GLO1: variants seen among roughly 807,000 people sequenced by gnomAD.
The protein encoded by GLO1 is glyoxalase I.
Under a neutral mutation model 26.0 loss-of-function variants are expected in GLO1, and 28 were observed. That is an observed-to-expected ratio of 1.08 (90% CI 0.80 to 1.48). GLO1 has a LOEUF of 1.48. Among genes scored for constraint, GLO1 ranks in the 40% most tolerant of loss-of-function variants. The pLI, the probability that GLO1 is intolerant of heterozygous loss-of-function variation, is 0.00. For missense variants in GLO1, 225 were observed against 224.8 expected (o/e 1.00, Z -0.01); for synonymous variants, 78 against 77.6 (o/e 1.00, Z -0.03).
chr6:38,690,223 G>C (rs1761511666), intron 1 of GLO1, among the ~76,000 whole-genome samples: 1 of 152,148 alleles, frequency 6.6e-6, no homozygotes, highest in African/African-American at 2.4e-5. Context: ...GAGATTCAAA[G>C]AAACTAATAC....
chr6:38,702,071 C>A (rs1047086948), intron 1 of GLO1, among the ~76,000 whole-genome samples: 17 of 152,044 alleles, frequency 1.1e-4, no homozygotes, highest in Non-Finnish European at 2.5e-4. Context: ...GCTGGGACTA[C>A]AGGCACCCGC....
At chr6:38,690,266 T>C (rs1215492299) in intron 1 of GLO1, among the ~76,000 whole-genome samples, 1 of 152,158 alleles carries the variant, frequency 6.6e-6, no homozygotes, top group African/African-American at 2.4e-5. Context: ...ATGAGATACA[T>C]ATTATTATCA....
Position 38,703,039 on chromosome 6 carries a change from G to T in GLO1, c.16C>A (p.Pro6Thr). 1 of 1,589,010 alleles carries T rather than the reference G, an allele frequency of 6.3e-7. No homozygotes were observed. Among genetic ancestry groups the T allele is most frequent in the Non-Finnish European group, 8.6e-7 (1 of 1,162,354 alleles). ...TCGTCCGTGAGGCCGCCGGACGGGGGCTGCGGTTCTGCCATGGCTGCGCTG... is the reference window on the plus strand; with the variant it reads ...TCGTCCGTGAGGCCGCCGGACGGGGTCTGCGGTTCTGCCATGGCTGCGCTG... MAEPQ[P>T]PSGGLTDEAA... Residue 6 changes from proline (P) to threonine (T), a missense_variant, in exon 1 of 6, where the codon CCC becomes ACC. By Grantham distance (38) the Pro-to-Thr change is conservative. Coordinates refer to ENST00000373365, the MANE Select transcript of GLO1 (RefSeq NM_006708.3).
intron 5 of GLO1, among the ~76,000 whole-genome samples, chr6:38,680,670 G>T (rs1621483): frequency 1.3e-5 from 2 of 152,068 alleles, no homozygotes; most frequent in Admixed American, 6.5e-5. Context: ...TGAAAGAATC[G>T]CTTGAGCTCA....
intron 2 of GLO1, among the ~76,000 whole-genome samples, chr6:38,685,486 T>C (rs1045021231): frequency 6.6e-6 from 1 of 152,218 alleles, no homozygotes; most frequent in African/African-American, 2.4e-5. Flanking sequence ...TTGTTCATAA[T>C]CAATAAGAGC....
chr6:38,698,943 T>C (rs1010416377), intron 1 of GLO1, among the ~76,000 whole-genome samples: 1 of 152,166 alleles, frequency 6.6e-6, no homozygotes. Flanking sequence ...ATCTACTTTA[T>C]AGAATACTTC....
chr6:38,682,923 T>C (rs756933058), intron 3 of GLO1, 48 bp from the exon 4 acceptor site: 6 of 1,078,020 alleles, frequency 5.6e-6, no homozygotes, highest in East Asian at 4.7e-5. Flanking sequence ...GGAATAGATA[T>C]TCTGAAAAGC....
At chr6:38,698,522 T>A (rs1209876290) in intron 1 of GLO1, among the ~76,000 whole-genome samples, 1 of 149,332 alleles carries the variant, frequency 6.7e-6, no homozygotes, top group African/African-American at 2.4e-5. Flanking sequence ...TATGGAACGA[T>A]GTGAAAATGG....
chr6:38,693,685 C>CTCTCTATATATATA (rs869232489), intron 1 of GLO1, among the ~76,000 whole-genome samples: 52 of 86,414 alleles, frequency 6.0e-4, no homozygotes, highest in East Asian at 3.0e-3. Context: ...CTCTCTCTCT[C>CTCTCTATATATATA]TATATATATA....
intron 5 of GLO1, among the ~76,000 whole-genome samples, 163 bp from the exon 6 acceptor site, chr6:38,677,546 T>C (rs990873806): frequency 2.0e-5 from 3 of 152,146 alleles, no homozygotes; most frequent in Non-Finnish European, 4.4e-5. Context: ...GCCTGCCAAG[T>C]AGCTGGGGCG....
chr6:38,678,382 G>GGAAGGAAGGAAGGAAGGAAGGAAGGAAA (rs1554186599), intron 5 of GLO1, among the ~76,000 whole-genome samples: 3 of 143,230 alleles, frequency 2.1e-5, no homozygotes, highest in African/African-American at 8.0e-5. Flanking sequence ...GGGAGAGAGA[G>GGAAGGAAGGAAGGAAGGAAGGAAGGAAA]GAAGGAAGGA....
intron 1 of GLO1, among the ~76,000 whole-genome samples, chr6:38,692,687 A>G (rs986245327): frequency 6.6e-6 from 1 of 151,970 alleles, no homozygotes; most frequent in Admixed American, 6.6e-5. Context: ...CTCTTTATCA[A>G]GTTAAAGAAA....
chr6:38,684,459 A>G lies in GLO1; in HGVS notation c.223T>C (p.Tyr75His). The G allele has an allele frequency of 8.9e-6, 14 of 1,570,658 alleles. No homozygotes were observed. The highest frequency in any genetic ancestry group is 1.2e-5 in the Non-Finnish European group (14 of 1,156,136). The change falls in exon 3 of 6, where the codon TAT becomes CAT. Residue 75 changes from tyrosine (Y) to histidine (H), a missense_variant. Transcript: ENST00000373365. ...IMKFSLYFLA[Y>H]EDKNDIPKEK... Reference sequence around the variant, plus strand: ...TTAGGGATGTCATTTTTATCCTCATAAGCCAAGAAGTAGAGTGAAAACTTC... The same window carrying G: ...TTAGGGATGTCATTTTTATCCTCATGAGCCAAGAAGTAGAGTGAAAACTTC...
chr6:38,698,286 A>G (rs1197674489), intron 1 of GLO1, among the ~76,000 whole-genome samples: 5 of 151,802 alleles, frequency 3.3e-5, no homozygotes, highest in Non-Finnish European at 7.4e-5. Flanking sequence ...GCCTTTATAT[A>G]TATTATGATT....
intron 4 of GLO1, 48 bp from the exon 5 acceptor site, chr6:38,682,149 AT>A (rs1254387066): frequency 1.0e-6 from 1 of 1,004,782 alleles, no homozygotes; most frequent in Admixed American, 1.7e-5. Context: ...AGAAATAATT[AT>A]AACAGGGTGT....
At position 38,688,935 on chromosome 6, in the gene GLO1, TGC is replaced by T. The variant is rs912566026; in HGVS notation, c.85-1963_85-1962del. On this transcript the variant is annotated intron_variant, in intron 1 of 5. Coordinates refer to ENST00000373365, the MANE Select transcript of GLO1 (RefSeq NM_006708.3). ...AAGCAGGAGAGAGAGAGAGCGAGCG[TGC>T]GCGCGCAAAGAAAGTAGAAGAGGAG... 3.9e-5 allele frequency among the ~76,000 whole-genome samples: 6 copies of T among 152,250 alleles called. No individual in the cohort carries two copies. In the East Asian group the frequency reaches 1.2e-3, roughly 29 times the overall value.
chr6:38,686,968 G>T lies in GLO1; in HGVS notation c.91C>A (p.Leu31Ile). ...SDADPSTKDF[L>I]LQQTMLRVKD... The stretch of plus-strand genomic sequence containing the variant: ...ACTCGTAGCATGGTCTGCTGCAATA[G>T]AAAATCCTATGGAAAAATATTTATA... The change falls in exon 2 of 6, where the codon CTA becomes ATA. Residue 31 changes from leucine to isoleucine, a missense_variant. Leu to Ile is a conservative substitution (Grantham distance 5). Transcript: ENST00000373365. The T allele has an allele frequency of 6.3e-7, 1 of 1,599,590 alleles. No individual in the cohort carries two copies. Among genetic ancestry groups the T allele is most frequent in the Non-Finnish European group, 8.6e-7 (1 of 1,169,034 alleles).
At chr6:38,699,820 C>T (rs1338645266) in intron 1 of GLO1, among the ~76,000 whole-genome samples, 1 of 152,178 alleles carries the variant, frequency 6.6e-6, no homozygotes, top group African/African-American at 2.4e-5. Flanking sequence ...TTTATCAAGA[C>T]AATACGTGCA....
intron 1 of GLO1, among the ~76,000 whole-genome samples, chr6:38,696,007 A>G (rs1761606541): frequency 6.6e-6 from 1 of 152,146 alleles, no homozygotes; most frequent in Non-Finnish European, 1.5e-5. Context: ...ACCACCTTTC[A>G]GAGTCTTCCA....
Sources: gnomAD v4.1 joint callset for allele counts (sites outside exome capture counted in the v4.1 genomes callset) on GRCh38, gnomAD v4.1.1 for gene constraint, MANE v1.5 for transcripts, NCBI Gene and HGNC (gene_info 2026-07-23, HGNC 2026-07-21) for gene names.